PARN: variants seen among roughly 807,000 people sequenced by gnomAD.
The protein encoded by PARN is poly(A)-specific ribonuclease PARN.
PARN carries 71 observed loss-of-function variants against 102.8 expected under a neutral mutation model. That is an observed-to-expected ratio of 0.69 (90% CI 0.57 to 0.84). PARN has a LOEUF of 0.84. Among genes scored for constraint, PARN ranks in the 40% least tolerant of loss-of-function variants. PARN has a pLI of 0.00. For missense variants in PARN, 782 were observed against 760.9 expected (o/e 1.03, Z -0.33); for synonymous variants, 261 against 252.9 (o/e 1.03, Z -0.30).
chr16:14,484,295 G>T (rs953149883), intron 21 of PARN, among the ~76,000 whole-genome samples: 1 of 152,174 alleles, frequency 6.6e-6, no homozygotes, highest in Non-Finnish European at 1.5e-5. Context: ...TCACGATGGC[G>T]GCATGGGAGT....
chr16:14,447,099 GA>G lies in PARN; in HGVS notation c.1671-19del. The G allele has an allele frequency of 6.3e-7, 1 of 1,590,064 alleles. No individual in the cohort carries two copies. Among genetic ancestry groups the G allele is most frequent in the Non-Finnish European group, 8.6e-7 (1 of 1,161,518 alleles). On this transcript the variant is annotated intron_variant, in intron 22 of 23. Coordinates refer to ENST00000437198, the MANE Select transcript of PARN (RefSeq NM_002582.4). The stretch of plus-strand genomic sequence containing the variant: ...CTGTAAAACTGAAATGCAAAAAGTG[GA>G]ACAACATAAAAGGTGCTGAGAGTTA...
intron 21 of PARN, among the ~76,000 whole-genome samples, chr16:14,516,383 A>C (rs1192566932): frequency 1.3e-5 from 2 of 152,222 alleles, no homozygotes; most frequent in East Asian, 3.8e-4. Flanking sequence ...GCATGCTGAA[A>C]GGCTATACCG....
intron 21 of PARN, among the ~76,000 whole-genome samples, chr16:14,516,427 G>A (rs1317978267): frequency 6.6e-6 from 1 of 151,780 alleles, no homozygotes; most frequent in African/African-American, 2.4e-5. Context: ...AAAACAACTA[G>A]TCAAAATATA....
chr16:14,553,256 T>TAAAAAAAAAAAAAAA (rs58411352), intron 20 of PARN, among the ~76,000 whole-genome samples: 1 of 117,470 alleles, frequency 8.5e-6, no homozygotes, highest in Non-Finnish European at 1.7e-5. Context: ...TATTTCTATT[T>TAAAAAAAAAAAAAAA]AAAAAAAAAA....
intron 18 of PARN, among the ~76,000 whole-genome samples, chr16:14,563,718 T>G (rs533982238): frequency 2.2e-3 from 326 of 151,406 alleles, no homozygotes; most frequent in African/African-American, 7.6e-3. Context: ...TTTTTTTAGT[T>G]ATACAATTAT....
rs141702683 is a variant in PARN, at chr16:14,465,970, G to A, written c.1670+16668C>T. On this transcript the variant is annotated intron_variant, in intron 22 of 23. Transcript: ENST00000437198. ...TGTTCCTCCAAAATGGACACAAAGCGGAGAATGACAGGCACTAGGGCCTAC... is the reference window on the plus strand; with the variant it reads ...TGTTCCTCCAAAATGGACACAAAGCAGAGAATGACAGGCACTAGGGCCTAC... Among the ~76,000 whole-genome samples the A allele has an allele frequency of 3.5e-3, 536 of 152,286 alleles. 4 individuals carry two copies. Among genetic ancestry groups the A allele is most frequent in the Middle Eastern group, 0.024 (7 of 292 alleles).
At chr16:14,479,073 A>G (rs1963234598) in intron 22 of PARN, among the ~76,000 whole-genome samples, 1 of 152,188 alleles carries the variant, frequency 6.6e-6, no homozygotes, top group Non-Finnish European at 1.5e-5. Flanking sequence ...CCCGGCAACA[A>G]TGAATTGTAT....
intron 23 of PARN, among the ~76,000 whole-genome samples, chr16:14,443,332 A>G (rs1961029777): frequency 1.3e-5 from 2 of 151,190 alleles, no homozygotes; most frequent in South Asian, 4.2e-4. Flanking sequence ...ACAGATATAA[A>G]GAGATTACTT....
intron 22 of PARN, among the ~76,000 whole-genome samples, chr16:14,451,970 T>C (rs1050092155): frequency 4.0e-5 from 6 of 148,792 alleles, no homozygotes; most frequent in Non-Finnish European, 8.9e-5. Context: ...GAGGATTGCT[T>C]GAGTCTGGGA....
At chr16:14,600,843 T>G (rs1306753677) in intron 11 of PARN, among the ~76,000 whole-genome samples, 2 of 152,082 alleles carry the variant, frequency 1.3e-5, no homozygotes, top group African/African-American at 4.8e-5. Flanking sequence ...GGCAGGAGAA[T>G]CGCTTGAACC....
At chr16:14,476,594 C>T (rs1368510626) in intron 22 of PARN, among the ~76,000 whole-genome samples, 4 of 152,056 alleles carry the variant, frequency 2.6e-5, no homozygotes, top group South Asian at 2.1e-4. Context: ...CTTTGAGAGG[C>T]GGAGGTGGGA....
intron 22 of PARN, among the ~76,000 whole-genome samples, chr16:14,478,281 A>C (rs1963183242): frequency 6.6e-6 from 1 of 152,170 alleles, no homozygotes; most frequent in Non-Finnish European, 1.5e-5. Flanking sequence ...ATGCCACAGC[A>C]CTCTAGCCTG....
intron 22 of PARN, among the ~76,000 whole-genome samples, chr16:14,467,007 A>C (rs1962401297): frequency 6.6e-6 from 1 of 151,748 alleles, no homozygotes. Context: ...GGATCCACCT[A>C]CTCCTCTCTC....
At chr16:14,543,974 C>A (rs1966857463) in intron 21 of PARN, among the ~76,000 whole-genome samples, 1 of 152,188 alleles carries the variant, frequency 6.6e-6, no homozygotes, top group South Asian at 2.1e-4. Flanking sequence ...GCGGGAAGAT[C>A]ACCTGAGGTC....
chr16:14,544,562 G>C (rs1966865272), intron 21 of PARN, among the ~76,000 whole-genome samples: 1 of 152,146 alleles, frequency 6.6e-6, no homozygotes, highest in African/African-American at 2.4e-5. Flanking sequence ...GCAACAGAAT[G>C]AGACTCTGTA....
At chr16:14,585,637 T>C (rs1395746460) in intron 14 of PARN, among the ~76,000 whole-genome samples, 2 of 152,154 alleles carry the variant, frequency 1.3e-5, no homozygotes, top group East Asian at 1.9e-4. Context: ...AAACAAAATC[T>C]CTAGCCAGAT....
intron 21 of PARN, among the ~76,000 whole-genome samples, chr16:14,534,543 T>TC (rs34039683): frequency 7.2e-5 from 11 of 151,880 alleles, no homozygotes; most frequent in African/African-American, 2.2e-4. Flanking sequence ...TGAGTTCATT[T>TC]CCCCCCCTAC....
chr16:14,599,385 A>G (rs947566102), intron 12 of PARN, among the ~76,000 whole-genome samples: 3 of 152,080 alleles, frequency 2.0e-5, no homozygotes, highest in African/African-American at 7.2e-5. Flanking sequence ...AAAAACACCC[A>G]TCATATCTAT....
chr16:14,489,349 G>A (rs1963930774), intron 21 of PARN, among the ~76,000 whole-genome samples: 1 of 150,896 alleles, frequency 6.6e-6, no homozygotes, highest in African/African-American at 2.4e-5. Flanking sequence ...GGAGGCTGAG[G>A]CAGGAGAATC....
Sources: gnomAD v4.1 joint callset for allele counts (sites outside exome capture counted in the v4.1 genomes callset) on GRCh38, gnomAD v4.1.1 for gene constraint, MANE v1.5 for transcripts, NCBI Gene and HGNC (gene_info 2026-07-23, HGNC 2026-07-21) for gene names.